The following RIMS1 variants were observed in gnomAD, a reference collection of about 807,000 sequenced individuals.
The protein encoded by RIMS1 is regulating synaptic membrane exocytosis protein 1.
RIMS1 carries 83 observed loss-of-function variants against 214.1 expected under a neutral mutation model. The ratio of observed to expected loss-of-function variants is 0.39; its 90% CI spans 0.32 to 0.47. RIMS1 has a LOEUF of 0.47. Among genes scored for constraint, RIMS1 ranks in the 20% least tolerant of loss-of-function variants. The probability of loss-of-function intolerance (pLI) is 0.99; values close to 1 mark genes in which losing one functional copy is unlikely to be tolerated. For missense variants in RIMS1, 2,050 were observed against 2,161.8 expected (o/e 0.95, Z 1.03); for synonymous variants, 793 against 786.8 (o/e 1.01, Z -0.13).
At chr6:72,348,327 G>A (rs2097335715) in intron 29 of RIMS1, among the ~76,000 whole-genome samples, 1 of 151,728 alleles carries the variant, frequency 6.6e-6, no homozygotes, top group Admixed American at 6.6e-5. Flanking sequence ...ATATGCGGAG[G>A]GATAGCTTTG....
intron 2 of RIMS1, among the ~76,000 whole-genome samples, chr6:71,984,714 T>A (rs1479769266): frequency 6.6e-6 from 1 of 152,140 alleles, no homozygotes; most frequent in Non-Finnish European, 1.5e-5. Flanking sequence ...AAGTTGAGAT[T>A]GTAAACCTTC....
At chr6:72,135,591 G>T (rs190316854) in intron 4 of RIMS1, among the ~76,000 whole-genome samples, 57 of 152,232 alleles carry the variant, frequency 3.7e-4, no homozygotes, top group Non-Finnish European at 7.5e-4. Context: ...AGGGTATGAG[G>T]GAATAGGAGA....
chr6:72,293,588 C>T (rs555694406), intron 26 of RIMS1, among the ~76,000 whole-genome samples: 22 of 151,958 alleles, frequency 1.4e-4, no homozygotes, highest in African/African-American at 5.3e-4. Flanking sequence ...AAGTCATGTG[C>T]TCCTAAAATT....
At chr6:72,044,883 G>A (rs1445001961) in intron 2 of RIMS1, among the ~76,000 whole-genome samples, 1 of 151,874 alleles carries the variant, frequency 6.6e-6, no homozygotes, top group Middle Eastern at 3.2e-3. Context: ...AAACTCACAT[G>A]TGCACACAGA....
intron 1 of RIMS1, among the ~76,000 whole-genome samples, chr6:71,901,001 TA>T (rs1309295847): frequency 2.0e-5 from 3 of 151,860 alleles, no homozygotes; most frequent in Non-Finnish European, 4.4e-5. Flanking sequence ...AGATATAGGA[TA>T]AAAACCAGGA....
intron 2 of RIMS1, among the ~76,000 whole-genome samples, chr6:72,038,311 A>G (rs1428720977): frequency 6.6e-6 from 1 of 151,470 alleles, no homozygotes; most frequent in Non-Finnish European, 1.5e-5. Context: ...TCTCTTTTTT[A>G]AGTAGGCTTT....
chr6:71,976,340 A>T (rs1797129859), intron 2 of RIMS1, among the ~76,000 whole-genome samples: 1 of 152,112 alleles, frequency 6.6e-6, no homozygotes, highest in African/African-American at 2.4e-5. Context: ...CTTATTGGCT[A>T]TTTCTATATC....
At chr6:71,972,584 T>G (rs1796124559) in intron 2 of RIMS1, among the ~76,000 whole-genome samples, 1 of 152,174 alleles carries the variant, frequency 6.6e-6, no homozygotes, top group South Asian at 2.1e-4. Context: ...AAAATGTCAC[T>G]CAGTCATATT....
chr6:72,290,353 T>A (rs2093169148), intron 24 of RIMS1, among the ~76,000 whole-genome samples: 1 of 152,170 alleles, frequency 6.6e-6, no homozygotes, highest in African/African-American at 2.4e-5. Context: ...TGCAGCTGTG[T>A]TGTAAGCACT....
At chr6:72,283,606 T>C (rs1294908400) in intron 23 of RIMS1, among the ~76,000 whole-genome samples, 1 of 152,192 alleles carries the variant, frequency 6.6e-6, no homozygotes, top group African/African-American at 2.4e-5. Flanking sequence ...AAAAAATCTT[T>C]GTAGCACCAA....
intron 1 of RIMS1, among the ~76,000 whole-genome samples, chr6:71,925,878 T>C (rs527849259): frequency 1.3e-5 from 2 of 152,350 alleles, no homozygotes; most frequent in African/African-American, 2.4e-5. Flanking sequence ...GTATTATCCC[T>C]GTGGATTTTT....
At chr6:72,380,777 C>G (rs1173403682) in intron 29 of RIMS1, among the ~76,000 whole-genome samples, 1 of 152,032 alleles carries the variant, frequency 6.6e-6, no homozygotes, top group Non-Finnish European at 1.5e-5. Context: ...AGCAATCCTC[C>G]CACGTCGGCC....
intron 4 of RIMS1, among the ~76,000 whole-genome samples, chr6:72,112,464 T>C (rs1288415843): frequency 6.6e-6 from 1 of 152,128 alleles, no homozygotes; most frequent in Non-Finnish European, 1.5e-5. Flanking sequence ...CCTACAATTG[T>C]ACCCAACACC....
chr6:72,131,788 A>G (rs1159727869), intron 4 of RIMS1, among the ~76,000 whole-genome samples: 1 of 152,126 alleles, frequency 6.6e-6, no homozygotes, highest in East Asian at 1.9e-4. Flanking sequence ...GCACTATGGG[A>G]GACTGGGGTT....
chr6:72,202,860 T>G (rs2052257340), intron 6 of RIMS1, among the ~76,000 whole-genome samples: 1 of 152,224 alleles, frequency 6.6e-6, no homozygotes, highest in Non-Finnish European at 1.5e-5. Context: ...TCAATCGTTT[T>G]AGAACCTGGA....
chr6:71,924,585 G>A (rs961828325), intron 1 of RIMS1, among the ~76,000 whole-genome samples: 6 of 149,732 alleles, frequency 4.0e-5, no homozygotes, highest in Non-Finnish European at 8.8e-5. Context: ...CTTAAGTCCA[G>A]GAATTTGAGA....
chr6:71,935,834 C>T (rs1784271069), intron 1 of RIMS1, among the ~76,000 whole-genome samples: 1 of 152,186 alleles, frequency 6.6e-6, no homozygotes, highest in South Asian at 2.1e-4. Context: ...CTGCTGTTCT[C>T]TCTAAAATAT....
intron 1 of RIMS1, among the ~76,000 whole-genome samples, chr6:71,954,096 G>A (rs1790456361): frequency 6.6e-6 from 1 of 152,050 alleles, no homozygotes; most frequent in Non-Finnish European, 1.5e-5. Flanking sequence ...AATTTTTAAA[G>A]CCTTTGGTAT....
At chr6:71,889,015 C>G (rs550560692) in intron 1 of RIMS1, among the ~76,000 whole-genome samples, 19 of 152,294 alleles carry the variant, frequency 1.2e-4, no homozygotes, top group African/African-American at 4.6e-4. Context: ...CTGGTTACAG[C>G]CCCTGCCACC....
Sources: gnomAD v4.1 joint callset for allele counts (sites outside exome capture counted in the v4.1 genomes callset) on GRCh38, gnomAD v4.1.1 for gene constraint, MANE v1.5 for transcripts, NCBI Gene and HGNC (gene_info 2026-07-23, HGNC 2026-07-21) for gene names.